The following AGBL1 variants were observed in gnomAD, a reference collection of about 807,000 sequenced individuals.
The protein encoded by AGBL1 is AGBL carboxypeptidase 1.
Under a neutral mutation model 118.9 loss-of-function variants are expected in AGBL1, and 130 were observed. That is an observed-to-expected ratio of 1.09 (90% CI 0.95 to 1.26). The LOEUF is 1.26. Ranked by LOEUF, AGBL1 falls within the 50% of genes most tolerant of loss-of-function variation. The pLI, the probability that AGBL1 is intolerant of heterozygous loss-of-function variation, is 0.00. For synonymous variants in AGBL1, 555 were observed against 478.9 expected (o/e 1.16, Z -2.08); for missense variants, 1,584 against 1,298.1 (o/e 1.22, Z -3.38).
In AGBL1 at chr15:86,370,964, G is replaced by T. The variant is rs1425666201; in HGVS notation, c.2375-26402G>T. 2.0e-5 allele frequency among the ~76,000 whole-genome samples: 3 copies of T among 152,170 alleles called. No homozygotes were observed. The East Asian group carries it at 5.8e-4, about 29-fold the overall frequency. ...AGGCTCTTGGGTCTATGGGTCTGGGGTTCAGAGCAGTGCTCAAGCTATAGA... is the reference window on the plus strand; with the variant it reads ...AGGCTCTTGGGTCTATGGGTCTGGGTTTCAGAGCAGTGCTCAAGCTATAGA... On this transcript the variant is annotated intron_variant, in intron 17 of 22. Transcript: ENST00000614907.
chr15:86,924,107 C>T (rs1322693469), intron 23 of AGBL1, among the ~76,000 whole-genome samples: 2 of 152,230 alleles, frequency 1.3e-5, no homozygotes, highest in African/African-American at 2.4e-5. Flanking sequence ...GATAAAATGT[C>T]TATTCATGCA....
intron 18 of AGBL1, among the ~76,000 whole-genome samples, chr15:86,447,501 C>T (rs1382550207): frequency 6.6e-6 from 1 of 152,200 alleles, no homozygotes; most frequent in African/African-American, 2.4e-5. Flanking sequence ...TCAGGCTTGT[C>T]TGACTTGAAA....
intron 22 of AGBL1, among the ~76,000 whole-genome samples, chr15:86,712,122 A>G (rs2086570197): frequency 6.6e-6 from 1 of 152,132 alleles, no homozygotes; most frequent in Admixed American, 6.6e-5. Context: ...TTTTATACTA[A>G]CCTAAGCTAC....
chr15:86,803,211 G>C (rs1025873540), intron 22 of AGBL1, among the ~76,000 whole-genome samples: 2 of 152,100 alleles, frequency 1.3e-5, no homozygotes, highest in Non-Finnish European at 2.9e-5. Context: ...GAGGTGATTG[G>C]ATCATGGGGG....
At chr15:86,410,807 G>GATATATATATATATATATATATAT (rs36127489) in intron 18 of AGBL1, among the ~76,000 whole-genome samples, 6 of 40,396 alleles carry the variant, frequency 1.5e-4, no homozygotes, top group Non-Finnish European at 2.1e-4. Context: ...GTCAAATGTA[G>GATATATATATATATATATATATAT]ATATATATAT....
intron 22 of AGBL1, among the ~76,000 whole-genome samples, chr15:86,776,824 A>G (rs1044123607): frequency 1.3e-5 from 2 of 151,282 alleles, no homozygotes; most frequent in African/African-American, 2.4e-5. Flanking sequence ...ATTTGTTAAT[A>G]AAACAGGTTT....
At chr15:86,545,180 T>G (rs1018889339) in intron 19 of AGBL1, among the ~76,000 whole-genome samples, 1 of 152,228 alleles carries the variant, frequency 6.6e-6, no homozygotes, top group African/African-American at 2.4e-5. Context: ...TAGGGCTTCT[T>G]TAGCCTGGAT....
At chr15:87,029,031 A>G (rs1192275090) in exon 25 of AGBL1, 1 of 560,244 alleles carries the variant, frequency 1.8e-6, no homozygotes, top group Non-Finnish European at 3.1e-6. Context: ...GGCAATCTTC[A>G]TAAAAATAGA....
intron 23 of AGBL1, among the ~76,000 whole-genome samples, chr15:86,970,597 A>C (rs1411138712): frequency 6.6e-6 from 1 of 151,948 alleles, no homozygotes; most frequent in East Asian, 1.9e-4. Flanking sequence ...TAGTTTTCTA[A>C]ACTACAATCA....
At chr15:86,548,005 A>G (rs2083609353) in intron 20 of AGBL1, among the ~76,000 whole-genome samples, 1 of 152,158 alleles carries the variant, frequency 6.6e-6, no homozygotes, top group African/African-American at 2.4e-5. Flanking sequence ...TTAGGACATA[A>G]TGATCTGTAA....
At position 86,411,923 on chromosome 15, in the gene AGBL1, T is replaced by C. The variant is rs150136017; in HGVS notation, c.2555+14377T>C. Among the ~76,000 whole-genome samples, 1,517 of 152,288 alleles carry C rather than the reference T, an allele frequency of 1.0e-2. 32 individuals are homozygous for C. Among genetic ancestry groups the C allele is most frequent in the African/African-American group, 0.033 (1,368 of 41,560 alleles). On this transcript the variant is annotated intron_variant, in intron 18 of 22. Transcript: ENST00000614907. Reference sequence around the variant, plus strand: ...AGTCTCTGTTACTCTGTTCATACCCTGCTTAGGAGATTGTGTCTAATTAGG... The same window carrying C: ...AGTCTCTGTTACTCTGTTCATACCCCGCTTAGGAGATTGTGTCTAATTAGG...
At chr15:86,527,836 G>C (rs1196870016) in intron 19 of AGBL1, among the ~76,000 whole-genome samples, 2 of 152,088 alleles carry the variant, frequency 1.3e-5, no homozygotes, top group African/African-American at 2.4e-5. Context: ...CTAAATACCA[G>C]ACAAGTCATT....
chr15:86,753,636 G>T (rs1040231699), intron 22 of AGBL1, among the ~76,000 whole-genome samples: 5 of 151,986 alleles, frequency 3.3e-5, no homozygotes, highest in Non-Finnish European at 7.4e-5. Flanking sequence ...GATCTCAGGT[G>T]ATCCACCCAC....
intron 21 of AGBL1, among the ~76,000 whole-genome samples, chr15:86,668,969 G>A (rs1426157622): frequency 6.6e-6 from 1 of 152,092 alleles, no homozygotes; most frequent in African/African-American, 2.4e-5. Context: ...TAGCTCAAAA[G>A]GCCTCAAGCC....
At chr15:86,479,979 G>T (rs753731043) in intron 18 of AGBL1, among the ~76,000 whole-genome samples, 38 of 151,938 alleles carry the variant, frequency 2.5e-4, no homozygotes, top group Non-Finnish European at 4.0e-4. Flanking sequence ...GCAAACTATC[G>T]CAAGGACAAA....
chr15:86,944,141 C>A (rs1379447901), intron 23 of AGBL1, among the ~76,000 whole-genome samples: 1 of 151,980 alleles, frequency 6.6e-6, no homozygotes, highest in Non-Finnish European at 1.5e-5. Flanking sequence ...GAGGCTGAGG[C>A]GGGCGGATCA....
At position 86,705,330 on chromosome 15, in the gene AGBL1, A is replaced by G. The variant is rs561067450; in HGVS notation, c.3158+30894A>G. Among the ~76,000 whole-genome samples the G allele has an allele frequency of 5.9e-5, 9 of 152,290 alleles. No individual in the cohort carries two copies. In the East Asian group the frequency reaches 1.7e-3, roughly 29 times the overall value. On this transcript the variant is annotated intron_variant, in intron 22 of 22. Coordinates refer to ENST00000614907, the MANE Select transcript of AGBL1 (RefSeq NM_001386094.1). ...AACAAAACAAAAACCCTCTTTTTTA[A>G]ATAAATTACCCAGTCTTGGGTATGT...
At chr15:86,214,042 C>T (rs925060548) in intron 5 of AGBL1, among the ~76,000 whole-genome samples, 3 of 152,236 alleles carry the variant, frequency 2.0e-5, no homozygotes, top group African/African-American at 7.2e-5. Context: ...TGAATGACAA[C>T]GTTTTGAAAT....
In AGBL1 at chr15:86,264,467, A is replaced by T; in HGVS notation, c.1296A>T (p.Lys432Asn). Residue 432 changes from lysine to asparagine, a missense_variant, in exon 11 of 23, where the codon AAA becomes AAT. Lys to Asn is a moderately conservative substitution (Grantham distance 94, BLOSUM62 0). Coordinates refer to ENST00000614907, the MANE Select transcript of AGBL1 (RefSeq NM_001386094.1). ...CCACTGTGCATCTAGGCTCCAAAAA[A>T]AATCCTGGAGTGAACCTGTACCAAA... ...GRSTVHLGSK[K>N]NPGVNLYQNV... 2 of 1,614,026 alleles carry T rather than the reference A, an allele frequency of 1.2e-6. No homozygotes were observed. Among genetic ancestry groups the T allele is most frequent in the South Asian group, 1.1e-5 (1 of 91,088 alleles).
Sources: allele counts gnomAD v4.1 joint callset (sites outside exome capture counted in the v4.1 genomes callset), GRCh38; gene constraint gnomAD v4.1.1; transcripts MANE v1.5; gene names NCBI Gene and HGNC (gene_info 2026-07-23, HGNC 2026-07-21).